The following AHI1 variants were observed in gnomAD, a reference collection of about 807,000 sequenced individuals.
The protein encoded by AHI1 is Abelson helper integration site 1, also known as jouberin.
In AHI1, 123 loss-of-function variants were observed where a neutral mutation model predicts 149.3. That is an observed-to-expected ratio of 0.82 (90% CI 0.71 to 0.96). The LOEUF (loss-of-function observed/expected upper bound fraction) is 0.96, where lower values mean the gene tolerates loss of function less well. Ranked by LOEUF, AHI1 falls within the 40% of genes least tolerant of loss-of-function variation. The probability of loss-of-function intolerance (pLI) is 0.00; values close to 1 mark genes in which losing one functional copy is unlikely to be tolerated. For missense variants in AHI1, 1,439 were observed against 1,422.7 expected (o/e 1.01, Z -0.18); for synonymous variants, 475 against 459.8 (o/e 1.03, Z -0.42).
intron 7 of AHI1, among the ~76,000 whole-genome samples, chr6:135,464,771 T>C (rs1280761552): frequency 6.6e-6 from 1 of 152,130 alleles, no homozygotes; most frequent in African/African-American, 2.4e-5. Flanking sequence ...AACTGGATCT[T>C]CTAAGGCCTT....
At chr6:135,339,837 T>G (rs771715875) in intron 24 of AHI1, among the ~76,000 whole-genome samples, 5 of 152,002 alleles carry the variant, frequency 3.3e-5, no homozygotes, top group Non-Finnish European at 7.4e-5. Context: ...TAGAATAGAT[T>G]AAAAAAGATC....
chr6:135,425,804 C>T (rs1043318578), intron 20 of AHI1, among the ~76,000 whole-genome samples: 4 of 151,718 alleles, frequency 2.6e-5, no homozygotes, highest in African/African-American at 9.7e-5. Flanking sequence ...AACTGGCAAA[C>T]CTAACTATCC....
intron 24 of AHI1, among the ~76,000 whole-genome samples, chr6:135,333,536 A>G (rs1433860814): frequency 6.6e-6 from 1 of 152,228 alleles, no homozygotes; most frequent in African/African-American, 2.4e-5. Context: ...TTAAGAAAAC[A>G]AAGATAAAGA....
intron 3 of AHI1, 56 bp downstream of exon 3, chr6:135,495,758 G>A (rs964096088): frequency 6.6e-6 from 1 of 152,288 alleles, no homozygotes; most frequent in African/African-American, 2.4e-5. Flanking sequence ...GTGAAGAGAA[G>A]CAAAAGCAAA....
intron 25 of AHI1, among the ~76,000 whole-genome samples, chr6:135,320,496 G>C (rs1381569719): frequency 1.3e-5 from 2 of 152,058 alleles, no homozygotes; most frequent in Admixed American, 1.3e-4. Context: ...TTGTTATATT[G>C]CCCAGGCTGG....
intron 23 of AHI1, among the ~76,000 whole-genome samples, chr6:135,373,624 T>A (rs756760259): frequency 1.6e-4 from 24 of 152,188 alleles, no homozygotes; most frequent in Non-Finnish European, 2.4e-4. Context: ...TTGTACCTAA[T>A]CTGAACAGCT....
Position 135,431,298 on chromosome 6 carries a change from T to C in AHI1, c.2283A>G (p.Ser761=), listed in dbSNP as rs1408639614. 3.7e-5 allele frequency: 59 copies of C among 1,596,120 alleles called. No homozygotes were observed. The highest frequency in any genetic ancestry group is 5.0e-5 in the Non-Finnish European group (58 of 1,167,384). The stretch of plus-strand genomic sequence containing the variant: ...CAACAATCACCCCTGTACAATCTCC[T>C]GAATACATATGATGACCTATTTAAA... ...CFDTEGHHMY[S]GDCTGVIVVW... is the part of the protein sequence containing the mutation. The change falls in exon 17 of 29, where the codon TCA becomes TCG. Residue 761 remains serine (S), a synonymous_variant. Coordinates refer to ENST00000265602, the MANE Select transcript of AHI1 (RefSeq NM_001134831.2).
At chr6:135,454,065 A>C (rs1227175403) in intron 10 of AHI1, among the ~76,000 whole-genome samples, 3 of 152,186 alleles carry the variant, frequency 2.0e-5, no homozygotes, top group African/African-American at 7.2e-5. Flanking sequence ...TGCTTAAGAA[A>C]TGATACAGAC....
chr6:135,461,014 A>ATTT (rs1789795087), intron 8 of AHI1, among the ~76,000 whole-genome samples: 1 of 152,158 alleles, frequency 6.6e-6, no homozygotes, highest in African/African-American at 2.4e-5. Context: ...GAACTTAGGA[A>ATTT]AGATTTCTTA....
chr6:135,348,658 A>G (rs1209746982), intron 24 of AHI1, among the ~76,000 whole-genome samples: 1 of 152,216 alleles, frequency 6.6e-6, no homozygotes, highest in Admixed American at 6.5e-5. Context: ...GAAAACTTGT[A>G]TGAGGCATTA....
chr6:135,406,617 G>A (rs546083480), intron 21 of AHI1, among the ~76,000 whole-genome samples: 2 of 152,130 alleles, frequency 1.3e-5, no homozygotes, highest in South Asian at 2.1e-4. Context: ...CAATATATAC[G>A]GTGGTATCTC....
intron 24 of AHI1, 29 bp downstream of exon 24, chr6:135,358,101 CTT>C (rs1454930897): frequency 1.2e-6 from 2 of 1,602,754 alleles, no homozygotes; most frequent in Non-Finnish European, 1.7e-6. Flanking sequence ...TTTCTTAACA[CTT>C]TTAACAACGT....
At chr6:135,398,986 C>G (rs1019226584) in intron 22 of AHI1, among the ~76,000 whole-genome samples, 1 of 152,230 alleles carries the variant, frequency 6.6e-6, no homozygotes, top group Middle Eastern at 3.4e-3. Flanking sequence ...GAGTTCAAGA[C>G]CAGCCTGGGC....
chr6:135,434,363 C>T (rs979799945), intron 15 of AHI1, among the ~76,000 whole-genome samples: 2 of 151,872 alleles, frequency 1.3e-5, no homozygotes, highest in Non-Finnish European at 2.9e-5. Context: ...ATCAATTGCA[C>T]AAGCATTTTT....
rs1229078937 is a variant in AHI1, at chr6:135,433,019, T to C, written c.2266+8A>G. On this transcript the variant is annotated splice_region_variant and intron_variant, in intron 16 of 28. Transcript: ENST00000265602. ...ATAGCTGGTCTTCATTCATAGTCTC[T>C]GACATACCTTCAGTATCAAAACAAA... 6.3e-7 allele frequency: 1 copy of C among 1,596,872 alleles called. No homozygotes were observed. Among genetic ancestry groups the C allele is most frequent in the Admixed American group, 1.7e-5 (1 of 59,988 alleles).
chr6:135,393,755 T>G (rs781243759), intron 23 of AHI1, among the ~76,000 whole-genome samples: 6 of 152,122 alleles, frequency 3.9e-5, no homozygotes, highest in African/African-American at 1.2e-4. Flanking sequence ...TATATTCACA[T>G]AGCACCTTAT....
chr6:135,467,566 G>C lies in AHI1; in HGVS notation c.189+15C>G. 6.3e-7 allele frequency: 1 copy of C among 1,595,066 alleles called. No homozygotes were observed. The highest frequency in any genetic ancestry group is 8.6e-7 in the Non-Finnish European group (1 of 1,163,344). On this transcript the variant is annotated intron_variant, in intron 6 of 28. Coordinates refer to ENST00000265602, the MANE Select transcript of AHI1 (RefSeq NM_001134831.2). ...TCATGCTCTTCTTCAGGCTGTTAGTGTTAGCAGTACTTACATCATCACTTG... is the reference window on the plus strand; with the variant it reads ...TCATGCTCTTCTTCAGGCTGTTAGTCTTAGCAGTACTTACATCATCACTTG...
chr6:135,395,219 G>C (rs1779055245), intron 22 of AHI1, among the ~76,000 whole-genome samples: 1 of 151,944 alleles, frequency 6.6e-6, no homozygotes, highest in South Asian at 2.1e-4. Flanking sequence ...CTCCTTGACT[G>C]GTTCAATTAA....
rs1583586677 is a variant in AHI1 at position 135,302,423 on chromosome 6, CA to C, written c.3427-1866del. 4 of 993,138 alleles carry C rather than the reference CA, an allele frequency of 4.0e-6. No homozygotes were observed. The East Asian group carries it at 4.4e-4, about 108-fold the overall frequency. The allele number at this position is 993,138 out of a possible 1,614,324, so 61.5% of individuals were successfully genotyped here. ...AAAATGAATAATATGTTGCCATGTG[CA>C]GGTCTTGCCAATTCTGCTAAGCCTG... On this transcript the variant is annotated intron_variant, in intron 26 of 28. Transcript: ENST00000265602.
Sources: allele counts gnomAD v4.1 joint callset (sites outside exome capture counted in the v4.1 genomes callset), GRCh38; gene constraint gnomAD v4.1.1; transcripts MANE v1.5; gene names NCBI Gene and HGNC (gene_info 2026-07-23, HGNC 2026-07-21).